The following DPY19L1 variants were observed in gnomAD, a reference collection of about 807,000 sequenced individuals.
DPY19L1 encodes protein C-mannosyl-transferase DPY19L1.
A neutral mutation model predicts 96.9 loss-of-function variants in DPY19L1; 35 were observed. That is an observed-to-expected ratio of 0.36 (90% CI 0.28 to 0.48). The LOEUF (loss-of-function observed/expected upper bound fraction) is 0.48. DPY19L1 is among the 20% of genes least tolerant of loss of function. The pLI, the probability that DPY19L1 is intolerant of heterozygous loss-of-function variation, is 0.99. For synonymous variants in DPY19L1, 205 were observed against 252.6 expected (o/e 0.81, Z 1.79); for missense variants, 521 against 777.9 (o/e 0.67, Z 3.93).
chr7:34,932,304 A>C (rs554346369), intron 21 of DPY19L1, among the ~76,000 whole-genome samples: 1 of 152,300 alleles, frequency 6.6e-6, no homozygotes, highest in East Asian at 1.9e-4. Context: ...TAATACACCT[A>C]ATCTACCCAA....
chr7:35,020,978 G>C (rs998026787), intron 1 of DPY19L1, among the ~76,000 whole-genome samples: 4 of 152,032 alleles, frequency 2.6e-5, no homozygotes, highest in Non-Finnish European at 4.4e-5. Context: ...CAAAGTGCTG[G>C]GATTACAGGC....
chr7:34,969,151 T>C (rs1262923001), intron 9 of DPY19L1, among the ~76,000 whole-genome samples: 2 of 152,162 alleles, frequency 1.3e-5, no homozygotes, highest in African/African-American at 4.8e-5. Flanking sequence ...CGATACTGAA[T>C]AACAAAGATA....
At chr7:34,991,937 T>C (rs1394037097) in intron 6 of DPY19L1, among the ~76,000 whole-genome samples, 2 of 152,236 alleles carry the variant, frequency 1.3e-5, no homozygotes, top group Non-Finnish European at 2.9e-5. Flanking sequence ...CCATTCCATA[T>C]TACCGGGCAT....
At chr7:34,997,192 T>A (rs1174380703) in intron 6 of DPY19L1, among the ~76,000 whole-genome samples, 2 of 151,918 alleles carry the variant, frequency 1.3e-5, no homozygotes, top group East Asian at 3.9e-4. Flanking sequence ...TTCATCAATT[T>A]ATGCATACTA....
At chr7:34,969,357 G>A (rs1784677559) in intron 9 of DPY19L1, 76 bp downstream of exon 9, 1 of 755,600 alleles carries the variant, frequency 1.3e-6, no homozygotes, top group African/African-American at 1.8e-5. Context: ...GAATATCTCA[G>A]TTGTAATTTT....
chr7:34,930,076 G>T lies in DPY19L1; in HGVS notation c.*1497C>A, dbSNP rs537944998. ...CTGGTAAGAAGGTAGAAAGGGAACA[G>T]CGGCTTCCAGGAGTGGGCACCAGAA... On this transcript the variant is annotated 3_prime_UTR_variant, in exon 22 of 22. Coordinates refer to ENST00000638088, the MANE Select transcript of DPY19L1 (RefSeq NM_001366673.1). The T allele has an allele frequency of 6.6e-6, 1 of 152,372 alleles. No individual in the cohort carries two copies. The highest frequency in any genetic ancestry group is 1.9e-4 in the East Asian group (1 of 5,184). 9.4% of individuals were successfully genotyped at this position (152,372 alleles called of 1,614,324 possible).
intron 7 of DPY19L1, among the ~76,000 whole-genome samples, chr7:34,979,966 G>A (rs1784905463): frequency 6.6e-6 from 1 of 151,794 alleles, no homozygotes; most frequent in South Asian, 2.1e-4. Flanking sequence ...TGGCAATACT[G>A]ACGAAGAACA....
chr7:34,958,162 CAA>C, intron 10 of DPY19L1, 92 bp from the exon 11 acceptor site: 1 of 789,674 alleles, frequency 1.3e-6, no homozygotes, highest in Non-Finnish European at 1.9e-6. Context: ...CCATAATAAA[CAA>C]AATTCAAACT....
At chr7:35,027,544 T>C (rs1693047920) in intron 1 of DPY19L1, among the ~76,000 whole-genome samples, 1 of 151,664 alleles carries the variant, frequency 6.6e-6, no homozygotes. Flanking sequence ...AATTCAGTCA[T>C]GAAGGCCGGG....
At chr7:34,959,933 A>G (rs796337126) in intron 10 of DPY19L1, among the ~76,000 whole-genome samples, 1 of 77,824 alleles carries the variant, frequency 1.3e-5, no homozygotes, top group Non-Finnish European at 3.3e-5. Flanking sequence ...ATTTATATAT[A>G]TATATATATA....
At chr7:34,981,012 G>C (rs1784927613) in intron 7 of DPY19L1, among the ~76,000 whole-genome samples, 1 of 152,184 alleles carries the variant, frequency 6.6e-6, no homozygotes, top group Admixed American at 6.5e-5. Context: ...TTGAAGGATG[G>C]GGAGGGATAC....
chr7:34,970,041 T>C (rs1456167677), intron 8 of DPY19L1, among the ~76,000 whole-genome samples: 1 of 152,194 alleles, frequency 6.6e-6, no homozygotes, highest in Non-Finnish European at 1.5e-5. Flanking sequence ...GGAAAAGATA[T>C]GGGGTCCATT....
At chr7:34,999,557 G>C (rs1785374077) in intron 6 of DPY19L1, among the ~76,000 whole-genome samples, 1 of 152,318 alleles carries the variant, frequency 6.6e-6, no homozygotes, top group Middle Eastern at 3.4e-3. Context: ...TCTCAGGATG[G>C]TGGTAAACAA....
At chr7:34,937,769 A>T (rs1280095784) in intron 21 of DPY19L1, among the ~76,000 whole-genome samples, 1 of 152,110 alleles carries the variant, frequency 6.6e-6, no homozygotes, top group Non-Finnish European at 1.5e-5. Context: ...CCCCATCTCC[A>T]CTAAAAATAC....
intron 8 of DPY19L1, among the ~76,000 whole-genome samples, chr7:34,971,278 G>A (rs1225328642): frequency 6.6e-6 from 1 of 152,172 alleles, no homozygotes; most frequent in Non-Finnish European, 1.5e-5. Context: ...AAGACAAGAT[G>A]TCTGCCAAAA....
At chr7:34,980,520 G>A (rs1044619942) in intron 7 of DPY19L1, among the ~76,000 whole-genome samples, 5 of 152,098 alleles carry the variant, frequency 3.3e-5, no homozygotes, top group African/African-American at 4.8e-5. Flanking sequence ...AAGACAGGTC[G>A]TTAAGTGGTG....
chr7:34,990,200 G>A (rs1785137187), intron 6 of DPY19L1, among the ~76,000 whole-genome samples: 1 of 152,154 alleles, frequency 6.6e-6, no homozygotes, highest in Non-Finnish European at 1.5e-5. Flanking sequence ...AAAGGGAATA[G>A]AAAATTCTTA....
intron 6 of DPY19L1, 104 bp downstream of exon 6, chr7:35,010,364 A>G (rs1785676934): frequency 1.5e-6 from 1 of 678,944 alleles, no homozygotes; most frequent in Non-Finnish European, 2.4e-6. Context: ...ATATTTTAGG[A>G]TATTTTCATA....
At chr7:35,028,283 A>C (rs973460215) in intron 1 of DPY19L1, among the ~76,000 whole-genome samples, 9 of 152,350 alleles carry the variant, frequency 5.9e-5, no homozygotes, top group Admixed American at 5.2e-4. Flanking sequence ...GAAATGCCTT[A>C]GAAATCACAA....
Sources: gnomAD v4.1 joint callset for allele counts (sites outside exome capture counted in the v4.1 genomes callset) on GRCh38, gnomAD v4.1.1 for gene constraint, MANE v1.5 for transcripts, NCBI Gene and HGNC (gene_info 2026-07-23, HGNC 2026-07-21) for gene names.